The following EML1 variants were observed in gnomAD, a reference collection of about 807,000 sequenced individuals.
The protein encoded by EML1 is EMAP like 1, also known as echinoderm microtubule-associated protein-like 1.
Under a neutral mutation model 110.4 loss-of-function variants are expected in EML1, and 27 were observed. That is an observed-to-expected ratio of 0.24 (90% confidence interval 0.18 to 0.34). The LOEUF (loss-of-function observed/expected upper bound fraction) is 0.34. Ranked by LOEUF, EML1 falls within the 10% of genes least tolerant of loss-of-function variation. The pLI is 1.00. For synonymous variants in EML1, 344 were observed against 385.8 expected (o/e 0.89, Z 1.27); for missense variants, 741 against 1,030.9 (o/e 0.72, Z 3.85).
At chr14:99,914,335 A>G in intron 14 of EML1, 31 bp downstream of exon 14, 1 of 1,594,932 alleles carries the variant, frequency 6.3e-7, no homozygotes, top group Non-Finnish European at 8.6e-7. Flanking sequence ...CCCGGCAAAC[A>G]CTCTCATTTT....
rs777532998 is a variant in EML1, at chr14:99,917,792, A to C, written c.1763A>C (p.Gln588Pro). Reference protein sequence around the residue: ...VWDKIIEDPAQSSGFHPSGSV... With the variant: ...VWDKIIEDPAPSSGFHPSGSV... ...TTTAAAATATTTTAGGATCCAGCTC[A>C]GTCTTCTGGTTTTCATCCTTCAGGG... The change falls in exon 16 of 22, where the codon CAG (glutamine) becomes CCG (proline). Residue 588 changes from glutamine to proline, a missense_variant. By Grantham distance (76) the Gln-to-Pro change is moderately conservative. Coordinates refer to ENST00000262233, the MANE Select transcript of EML1 (RefSeq NM_004434.3). 2.5e-6 allele frequency: 4 copies of C among 1,614,160 alleles called. No individual in the cohort carries two copies. Among genetic ancestry groups the C allele is most frequent in the Admixed American group, 3.3e-5 (2 of 60,016 alleles).
intron 1 of EML1, among the ~76,000 whole-genome samples, chr14:99,828,975 A>G (rs1473476088): frequency 6.6e-6 from 1 of 152,274 alleles, no homozygotes; most frequent in East Asian, 1.9e-4. Flanking sequence ...TGACAAGCAG[A>G]AAAAAATCCA....
At chr14:99,760,501 G>A (rs549344448) in intron 1 of EML1, among the ~76,000 whole-genome samples, 1 of 152,286 alleles carries the variant, frequency 6.6e-6, no homozygotes, top group East Asian at 1.9e-4. Context: ...ACTGTGCAGG[G>A]TGTTTAGAAC....
intron 1 of EML1, among the ~76,000 whole-genome samples, chr14:99,820,811 A>G (rs772674756): frequency 6.6e-6 from 1 of 152,058 alleles, no homozygotes; most frequent in South Asian, 2.1e-4. Flanking sequence ...CTACAAGGAG[A>G]TGAGGAAAAG....
chr14:99,832,192 T>C (rs1425509620), intron 1 of EML1, among the ~76,000 whole-genome samples: 1 of 152,206 alleles, frequency 6.6e-6, no homozygotes, highest in Admixed American at 6.5e-5. Context: ...ATCCGTGCTG[T>C]TGCTTGTATC....
chr14:99,911,590 G>C lies in EML1; in HGVS notation c.1494+14G>C. 1 of 1,605,652 alleles carries C rather than the reference G, an allele frequency of 6.2e-7. No homozygotes were observed. Among genetic ancestry groups the C allele is most frequent in the Non-Finnish European group, 8.5e-7 (1 of 1,178,286 alleles). On this transcript the variant is annotated intron_variant, in intron 13 of 21. Transcript: ENST00000262233. ...CGTAAAACGGAGGTAAGTCATCAAG[G>C]CTACTGCTAAAATTTGTTTTTAACC...
chr14:99,755,250 G>A (rs1454606607), intron 1 of EML1, among the ~76,000 whole-genome samples: 2 of 152,238 alleles, frequency 1.3e-5, no homozygotes, highest in Non-Finnish European at 2.9e-5. Context: ...ATGGACCGTG[G>A]AGGACAGGCA....
chr14:99,939,271 A>G lies in EML1; in HGVS notation c.2266A>G (p.Thr756Ala). 2 of 1,614,208 alleles carry G rather than the reference A, an allele frequency of 1.2e-6. No homozygotes were observed. Among genetic ancestry groups the G allele is most frequent in the East Asian group, 2.2e-5 (1 of 44,878 alleles). ...GGCCCATGAGAAGAAACTCCTGTCA[A>G]CAGGCGACGACTTTGGCAAAGTGCA... ...CRAHEKKLLS[T>A]GDDFGKVHLF... Residue 756 changes from threonine to alanine, a missense_variant, in exon 21 of 22, where the codon ACA becomes GCA. Physicochemically the swap from Thr to Ala is moderately conservative, Grantham distance 58. This residue lies in a region of EML1 where 114 missense variants were observed against 122.5 expected (regional missense o/e 0.93). Transcript: ENST00000262233. The surrounding 1 kb of genome is among the most constrained non-coding windows in gnomAD (Gnocchi z 4.2).
intron 14 of EML1, 30 bp downstream of exon 14, chr14:99,914,334 C>A (rs2059997453): frequency 6.3e-7 from 1 of 1,596,168 alleles, no homozygotes; most frequent in Non-Finnish European, 8.6e-7. Context: ...GCCCGGCAAA[C>A]ACTCTCATTT....
chr14:99,882,608 CCA>C (rs2059403442), intron 4 of EML1, among the ~76,000 whole-genome samples: 1 of 144,974 alleles, frequency 6.9e-6, no homozygotes, highest in Non-Finnish European at 1.5e-5. Context: ...TTGTCTTGGG[CCA>C]CACACAAAAT....
upstream of EML1, among the ~76,000 whole-genome samples, chr14:99,769,640 C>A (rs996505269): frequency 5.9e-5 from 9 of 152,208 alleles, no homozygotes; most frequent in Non-Finnish European, 1.2e-4. Context: ...GCAGTACCTG[C>A]CCCTACACTT....
In EML1 at chr14:99,878,519, T is replaced by A. The variant is rs1228900074; in HGVS notation, c.418T>A (p.Ser140Thr). 3 of 1,613,788 alleles carry A rather than the reference T, an allele frequency of 1.9e-6. No individual in the cohort carries two copies. The African/African-American group carries it at 4.0e-5, about 22-fold the overall frequency. ...GAGGACCAGCTCTTCTGAACGAGTG[T>A]CTCCTGGGGGTCGAAGGGAAAGCAA... ...IKRTSSSERVSPGGRRESNGD... is the reference protein window; with the variant it reads ...IKRTSSSERVTPGGRRESNGD... Residue 140 changes from serine (S) to threonine (T), a missense_variant, in exon 4 of 22, where the codon TCT becomes ACT. By Grantham distance (58) the Ser-to-Thr change is moderately conservative (BLOSUM62 1). This residue lies in a region of EML1 where 226 missense variants were observed against 255.6 expected (regional missense o/e 0.88). Transcript: ENST00000262233.
intron 1 of EML1, among the ~76,000 whole-genome samples, chr14:99,815,092 G>C (rs189219234): frequency 2.0e-5 from 3 of 151,408 alleles, no homozygotes; most frequent in Admixed American, 1.3e-4. Flanking sequence ...TGATATCTGC[G>C]AGCTTGAGTT....
Position 99,851,002 on chromosome 14 carries a change from C to T in EML1, c.217C>T (p.Gln73Ter). ...VRRLNITEEQ[Q>*]AVLNRKGPTK... ...GCGGCTGAACATTACTGAGGAACAG[C>T]AGGCCGTGCTTAACAGGAAAGGACC... The change falls in exon 2 of 22, where the codon CAG (glutamine) becomes TAG (stop). Residue 73 changes from glutamine to a stop codon, truncating the protein, a stop_gained. Coordinates refer to ENST00000262233, the MANE Select transcript of EML1 (RefSeq NM_004434.3). LOFTEE classifies it high-confidence loss of function. 6.2e-7 allele frequency: 1 copy of T among 1,614,066 alleles called. No individual in the cohort carries two copies. The highest frequency in any genetic ancestry group is 8.5e-7 in the Non-Finnish European group (1 of 1,179,970).
chr14:99,865,434 A>G (rs903709955), intron 2 of EML1, 80 bp from the exon 3 acceptor site: 196 of 1,565,266 alleles, frequency 1.3e-4, no homozygotes, highest in Non-Finnish European at 1.5e-4. Flanking sequence ...TCTTCCTAAC[A>G]GGCAGTTGAG....
intron 1 of EML1, among the ~76,000 whole-genome samples, chr14:99,850,566 G>A (rs1000947157): frequency 2.0e-5 from 3 of 152,070 alleles, no homozygotes; most frequent in Admixed American, 2.0e-4. Flanking sequence ...CTCCGGTATC[G>A]CTGAAAACAA....
intron 1 of EML1, among the ~76,000 whole-genome samples, chr14:99,738,218 G>A (rs543669167): frequency 2.6e-5 from 4 of 152,338 alleles, no homozygotes; most frequent in Admixed American, 2.6e-4. Context: ...GCATGCAGAC[G>A]AGTGTGTGTG....
intron 1 of EML1, among the ~76,000 whole-genome samples, chr14:99,819,221 TG>T (rs1021617926): frequency 2.6e-5 from 4 of 152,074 alleles, no homozygotes; most frequent in African/African-American, 9.7e-5. Flanking sequence ...TCCCAAGGTG[TG>T]GGGACTACAG....
At chr14:99,789,579 C>T (rs1435963585), upstream of EML1, among the ~76,000 whole-genome samples, 3 of 152,224 alleles carry the variant, frequency 2.0e-5, no homozygotes, top group Non-Finnish European at 4.4e-5. Flanking sequence ...GTTCGGAAAG[C>T]ACTGTGTTCT....
Sources: gnomAD v4.1 joint callset for allele counts (sites outside exome capture counted in the v4.1 genomes callset) on GRCh38, gnomAD v4.1.1 for gene constraint, gnomAD v4.1.1 regional missense constraint, Gnocchi (gnomAD v3.1) non-coding constraint, MANE v1.5 for transcripts, NCBI Gene and HGNC (gene_info 2026-07-23, HGNC 2026-07-21) for gene names.